The following PLEKHA7 variants were observed in gnomAD, a reference collection of about 807,000 sequenced individuals.
The protein encoded by PLEKHA7 is pleckstrin homology domain containing A7.
Under a neutral mutation model 170.0 loss-of-function variants are expected in PLEKHA7, and 104 were observed. The observed-to-expected ratio is 0.61, with a 90% CI of 0.52 to 0.72. The LOEUF (loss-of-function observed/expected upper bound fraction) is 0.72. PLEKHA7 is among the 30% of genes least tolerant of loss of function. The pLI is 0.00. For synonymous variants in PLEKHA7, 648 were observed against 660.8 expected (o/e 0.98, Z 0.30); for missense variants, 1,615 against 1,671.7 (o/e 0.97, Z 0.59).
rs1849198547 is a variant in PLEKHA7, at chr11:16,783,577, G to T, written c.3650+123C>A. 3 of 1,116,064 alleles carry T rather than the reference G, an allele frequency of 2.7e-6. No individual in the cohort carries two copies. In the Admixed American group the frequency reaches 1.2e-4, roughly 44 times the overall value. 69.1% of individuals were successfully genotyped at this position (1,116,064 alleles called of 1,614,324 possible). On this transcript the variant is annotated intron_variant, in intron 25 of 26. Transcript: ENST00000531066. ...CAGCCTGCCCCCTCCAATGAGTAGG[G>T]CTTACCTGAGACGAAGACCTGGCAA...
At chr11:16,941,581 A>ATG (rs1345919579) in intron 3 of PLEKHA7, among the ~76,000 whole-genome samples, 1 of 152,270 alleles carries the variant, frequency 6.6e-6, no homozygotes, top group East Asian at 1.9e-4. Flanking sequence ...ACTATGAGCC[A>ATG]AGTATATGCT....
intron 3 of PLEKHA7, among the ~76,000 whole-genome samples, chr11:16,976,063 A>T (rs1229823752): frequency 3.9e-5 from 6 of 152,218 alleles, no homozygotes; most frequent in Admixed American, 1.3e-4. Flanking sequence ...CTTGCCAGGC[A>T]TAGGTACTCA....
chr11:16,893,743 C>T (rs1406106960), intron 3 of PLEKHA7, among the ~76,000 whole-genome samples: 1 of 152,232 alleles, frequency 6.6e-6, no homozygotes, highest in Non-Finnish European at 1.5e-5. Flanking sequence ...TACTCTTACT[C>T]CGTAAACCAG....
intron 3 of PLEKHA7, among the ~76,000 whole-genome samples, chr11:16,908,498 T>C (rs2136131707): frequency 7.3e-6 from 1 of 137,032 alleles, no homozygotes; most frequent in South Asian, 2.4e-4. Context: ...ATAATTTTTT[T>C]TTCTTTTTTT....
intron 3 of PLEKHA7, among the ~76,000 whole-genome samples, chr11:16,902,097 C>A (rs1320379266): frequency 1.3e-5 from 2 of 152,174 alleles, no homozygotes; most frequent in African/African-American, 4.8e-5. Context: ...ACTAGGTCAT[C>A]TTTTGTGACT....
At chr11:16,820,520 G>C (rs984108253) in intron 10 of PLEKHA7, among the ~76,000 whole-genome samples, 22 of 151,974 alleles carry the variant, frequency 1.4e-4, no homozygotes, top group Non-Finnish European at 2.9e-4. Context: ...CCTCTGAGAC[G>C]GGGCAGTGCC....
rs367946216 is a variant in PLEKHA7, at chr11:16,795,018, C to T, written c.2410G>A (p.Glu804Lys). The T allele has an allele frequency of 6.8e-6, 11 of 1,608,230 alleles. No homozygotes were observed. In the Admixed American group the frequency reaches 8.3e-5, roughly 12 times the overall value. Residue 804 changes from glutamate (E) to lysine (K), a missense_variant and splice_region_variant, in exon 18 of 27, where the codon GAG becomes AAG. Physicochemically the swap from Glu to Lys is moderately conservative, Grantham distance 56. Transcript: ENST00000531066. Reference sequence around the variant, plus strand: ...AGATCTTTCTGTATCTGCGATTTCTCCTGAGGAAGACGAAGTGGTGGGTTT... The same window carrying T: ...AGATCTTTCTGTATCTGCGATTTCTTCTGAGGAAGACGAAGTGGTGGGTTT... ...EQHRRAFFFQ[E>K]KSQIQKDLWR...
At chr11:16,926,340 T>C (rs986677089) in intron 3 of PLEKHA7, among the ~76,000 whole-genome samples, 4 of 152,334 alleles carry the variant, frequency 2.6e-5, no homozygotes, top group Non-Finnish European at 5.9e-5. Flanking sequence ...ATCACTCTCC[T>C]GGTCCTGCAG....
chr11:16,940,279 CTGTTT>C (rs1188218621), intron 3 of PLEKHA7, among the ~76,000 whole-genome samples: 1 of 129,652 alleles, frequency 7.7e-6, no homozygotes, highest in Non-Finnish European at 1.6e-5. Context: ...TTTTCTTCTG[CTGTTT>C]TTTTTTTTTT....
intron 3 of PLEKHA7, among the ~76,000 whole-genome samples, chr11:16,939,533 T>C (rs971580954): frequency 1.3e-5 from 2 of 152,256 alleles, no homozygotes; most frequent in Admixed American, 6.5e-5. Context: ...ATTTAGTTTT[T>C]ATTGAGTCAA....
At chr11:16,790,298 G>A in intron 21 of PLEKHA7, 1 of 224,222 alleles carries the variant, frequency 4.5e-6, no homozygotes, top group South Asian at 6.8e-5. Context: ...GGCTCACTGA[G>A]TCTTAGAGTG....
At chr11:16,847,155 G>A (rs1222112959) in intron 8 of PLEKHA7, among the ~76,000 whole-genome samples, 4 of 137,296 alleles carry the variant, frequency 2.9e-5, no homozygotes, top group Admixed American at 1.6e-4. Context: ...GGAGTGCAGT[G>A]GCACGATCTC....
chr11:16,809,905 C>G (rs950930367), intron 13 of PLEKHA7, among the ~76,000 whole-genome samples: 1 of 152,344 alleles, frequency 6.6e-6, no homozygotes, highest in Non-Finnish European at 1.5e-5. Flanking sequence ...TCAATCATTC[C>G]GCACTGTAGC....
rs756792088 is a variant in PLEKHA7, at chr11:16,789,234, T to G, written c.3219A>C (p.Ala1073=). Residue 1073 remains alanine (A), a synonymous_variant, in exon 23 of 27, where the codon GCA becomes GCC. Coordinates refer to ENST00000531066, the MANE Select transcript of PLEKHA7 (RefSeq NM_001329630.2). This position sits in a 1 kb window ranked among gnomAD's most constrained non-coding sequence, Gnocchi z 4.6. ...GCTTCATGCGCTCCAGCTGCTCCTC[T>G]GCACTCATCTTGCCTCGCTGGTGAT... ...SGDHQRGKMS[A]EEQLERMKRH... 3.7e-6 allele frequency: 6 copies of G among 1,613,680 alleles called. No individual in the cohort carries two copies. In the Admixed American group the frequency reaches 5.0e-5, roughly 13 times the overall value.
intron 17 of PLEKHA7, among the ~76,000 whole-genome samples, chr11:16,798,301 G>C (rs1473688290): frequency 6.6e-6 from 1 of 152,176 alleles, no homozygotes; most frequent in Non-Finnish European, 1.5e-5. Context: ...AGCTTCCCAG[G>C]TTACTGTGCC....
chr11:17,007,374 G>A (rs1186936420), intron 3 of PLEKHA7, among the ~76,000 whole-genome samples: 1 of 152,052 alleles, frequency 6.6e-6, no homozygotes, highest in African/African-American at 2.4e-5. Context: ...CTAGGCTGGA[G>A]TGCAATGGTG....
At chr11:16,880,005 C>A (rs1230776297) in intron 3 of PLEKHA7, among the ~76,000 whole-genome samples, 1 of 152,180 alleles carries the variant, frequency 6.6e-6, no homozygotes, top group Admixed American at 6.5e-5. Context: ...ATCCCAGCAG[C>A]CATGAGAACA....
intron 17 of PLEKHA7, among the ~76,000 whole-genome samples, chr11:16,798,109 T>C (rs559955874): frequency 6.6e-6 from 1 of 152,236 alleles, no homozygotes. Context: ...AAAAGGCTAT[T>C]TTCCTGCAGC....
intron 3 of PLEKHA7, among the ~76,000 whole-genome samples, chr11:16,895,739 G>A (rs1352676536): frequency 6.6e-6 from 1 of 152,220 alleles, no homozygotes; most frequent in African/African-American, 2.4e-5. Flanking sequence ...AATCCAAGAG[G>A]AGGTGGTGAT....
Sources: gnomAD v4.1 joint callset for allele counts (sites outside exome capture counted in the v4.1 genomes callset) on GRCh38, gnomAD v4.1.1 for gene constraint, Gnocchi (gnomAD v3.1) non-coding constraint, MANE v1.5 for transcripts, NCBI Gene and HGNC (gene_info 2026-07-23, HGNC 2026-07-21) for gene names.